GNA14: variants seen among roughly 807,000 people sequenced by gnomAD.
The protein encoded by GNA14 is guanine nucleotide-binding protein subunit alpha-14.
A neutral mutation model predicts 42.0 loss-of-function variants in GNA14; 50 were observed. The observed-to-expected ratio is 1.19, with a 90% CI of 0.95 to 1.51. GNA14 has a LOEUF of 1.51. Among genes scored for constraint, GNA14 ranks in the 40% most tolerant of loss-of-function variants. GNA14 has a pLI of 0.00. For missense variants in GNA14, 473 were observed against 446.2 expected, an observed-to-expected ratio of 1.06 and a Z score of -0.54; for synonymous variants, 173 against 163.1, an observed-to-expected ratio of 1.06 and a Z score of -0.46.
chr9:77,518,485 C>A (rs912471616), intron 2 of GNA14, among the ~76,000 whole-genome samples: 1 of 151,978 alleles, frequency 6.6e-6, no homozygotes, highest in African/African-American at 2.4e-5. Flanking sequence ...AGTTCAGAGC[C>A]TTGGGGAGAA....
chr9:77,577,757 G>A (rs1034887696), intron 1 of GNA14, among the ~76,000 whole-genome samples: 1 of 152,120 alleles, frequency 6.6e-6, no homozygotes, highest in African/African-American at 2.4e-5. Context: ...AGGAGTTGCA[G>A]GAGGTACTTT....
intron 1 of GNA14, among the ~76,000 whole-genome samples, chr9:77,570,164 CA>C (rs1179313265): frequency 1.3e-5 from 2 of 152,014 alleles, no homozygotes; most frequent in Non-Finnish European, 2.9e-5. Context: ...TTAAACTAAA[CA>C]AATAAATATA....
intron 1 of GNA14, among the ~76,000 whole-genome samples, chr9:77,618,604 A>T (rs1234347455): frequency 0.11 from 1,332 of 12,390 alleles, 102 homozygotes; most frequent in Non-Finnish European, 0.17. Context: ...ATATATATAT[A>T]TATATATATA....
At chr9:77,625,532 A>G (rs1002125488) in intron 1 of GNA14, among the ~76,000 whole-genome samples, 3 of 152,360 alleles carry the variant, frequency 2.0e-5, no homozygotes, top group Admixed American at 6.5e-5. Flanking sequence ...CTAACAGCTG[A>G]TCTTTCAGCA....
Position 77,461,180 on chromosome 9 carries a change from G to A in GNA14, c.310-26658C>T, listed in dbSNP as rs546154747. 1.1e-4 allele frequency among the ~76,000 whole-genome samples: 16 copies of A among 152,276 alleles called. No homozygotes were observed. The South Asian group carries it at 1.2e-3, about 12-fold the overall frequency. On this transcript the variant is annotated intron_variant, in intron 2 of 6. Coordinates refer to ENST00000341700, the MANE Select transcript of GNA14 (RefSeq NM_004297.4). ...GAGGGCTGCAGGGGGTGGCATCCGC[G>A]CTGTGAGTGCTGCAAAACTTGGCTG...
chr9:77,493,048 T>TG (rs1836811906), intron 2 of GNA14, among the ~76,000 whole-genome samples: 1 of 139,046 alleles, frequency 7.2e-6, no homozygotes, highest in African/African-American at 2.7e-5. Flanking sequence ...TATATATATT[T>TG]GGGAGATGCT....
At chr9:77,534,393 C>T (rs1268519066) in intron 1 of GNA14, among the ~76,000 whole-genome samples, 1 of 152,142 alleles carries the variant, frequency 6.6e-6, no homozygotes, top group Non-Finnish European at 1.5e-5. Flanking sequence ...GAAACAGAGG[C>T]CAAAGCAACA....
intron 1 of GNA14, among the ~76,000 whole-genome samples, chr9:77,556,183 G>T (rs1430764977): frequency 6.6e-6 from 1 of 152,198 alleles, no homozygotes; most frequent in Non-Finnish European, 1.5e-5. Flanking sequence ...GGCGGAGGTT[G>T]CAGTGAGCCA....
intron 2 of GNA14, among the ~76,000 whole-genome samples, chr9:77,446,497 T>C (rs1293498996): frequency 2.6e-5 from 4 of 152,144 alleles, no homozygotes; most frequent in Admixed American, 2.6e-4. Context: ...GGTGGACCCG[T>C]GTAACTGAGT....
At chr9:77,452,566 G>GTATC (rs1196317992) in intron 2 of GNA14, among the ~76,000 whole-genome samples, 1 of 9,710 alleles carries the variant, frequency 1.0e-4, no homozygotes, top group Non-Finnish European at 3.5e-4. Context: ...GTGTGTGTGT[G>GTATC]TGTGTATGTG....
chr9:77,630,727 T>C (rs928163983), intron 1 of GNA14, among the ~76,000 whole-genome samples: 8 of 152,202 alleles, frequency 5.3e-5, no homozygotes, highest in African/African-American at 1.9e-4. Context: ...TTAGCTTATA[T>C]TCCGCTCTAA....
At chr9:77,512,308 T>G (rs1029331628) in intron 2 of GNA14, among the ~76,000 whole-genome samples, 20 of 152,366 alleles carry the variant, frequency 1.3e-4, no homozygotes, top group Middle Eastern at 3.4e-3. Flanking sequence ...GTCACTCTTC[T>G]CAAAGTTACT....
chr9:77,529,437 C>A (rs1246448463), intron 1 of GNA14, among the ~76,000 whole-genome samples, 184 bp from the exon 2 acceptor site: 2 of 152,170 alleles, frequency 1.3e-5, no homozygotes, highest in Non-Finnish European at 2.9e-5. Context: ...CCAAGCCTCA[C>A]GCAAGTGCCA....
chr9:77,499,540 A>T (rs746551696), intron 2 of GNA14, among the ~76,000 whole-genome samples: 4 of 152,178 alleles, frequency 2.6e-5, no homozygotes, highest in Non-Finnish European at 4.4e-5. Flanking sequence ...CAAAAAGGCC[A>T]CATAGCATAT....
At chr9:77,627,414 G>A (rs1025390199) in intron 1 of GNA14, among the ~76,000 whole-genome samples, 9 of 152,002 alleles carry the variant, frequency 5.9e-5, no homozygotes, top group African/African-American at 2.2e-4. Flanking sequence ...ACCAAAACCT[G>A]GCAGAGACAC....
At chr9:77,494,369 T>TA (rs1441797328) in intron 2 of GNA14, among the ~76,000 whole-genome samples, 1 of 152,226 alleles carries the variant, frequency 6.6e-6, no homozygotes, top group Non-Finnish European at 1.5e-5. Flanking sequence ...TAATGGTTAT[T>TA]AGAGGGTTTT....
At chr9:77,443,340 G>C (rs1168494361) in intron 2 of GNA14, among the ~76,000 whole-genome samples, 2 of 152,048 alleles carry the variant, frequency 1.3e-5, no homozygotes, top group Non-Finnish European at 1.5e-5. Context: ...TGGATTTCCA[G>C]CTTCTTTTGA....
At chr9:77,578,629 C>T (rs974412794) in intron 1 of GNA14, among the ~76,000 whole-genome samples, 5 of 152,178 alleles carry the variant, frequency 3.3e-5, no homozygotes, top group Admixed American at 2.0e-4. Context: ...AATGAAGATA[C>T]AGAAAATATT....
At chr9:77,624,427 A>G (rs1823981693) in intron 1 of GNA14, among the ~76,000 whole-genome samples, 1 of 152,162 alleles carries the variant, frequency 6.6e-6, no homozygotes, top group African/African-American at 2.4e-5. Flanking sequence ...CTGCTAAGAG[A>G]CAGACTGCCT....
Sources: gnomAD v4.1 joint callset for allele counts (sites outside exome capture counted in the v4.1 genomes callset) on GRCh38, gnomAD v4.1.1 for gene constraint, MANE v1.5 for transcripts, NCBI Gene and HGNC (gene_info 2026-07-23, HGNC 2026-07-21) for gene names.